Variants in GAB1 observed in about 807,000 individuals in gnomAD.
GAB1 encodes GRB2-associated-binding protein 1.
A neutral mutation model predicts 66.5 loss-of-function variants in GAB1; 19 were observed. The ratio of observed to expected loss-of-function variants is 0.29; its 90% CI spans 0.20 to 0.42. The LOEUF is 0.42. GAB1 is among the 10% of genes least tolerant of loss of function. The pLI is 1.00. For synonymous variants in GAB1, 294 were observed against 301.4 expected (o/e 0.98, Z 0.25); for missense variants, 732 against 858.5 (o/e 0.85, Z 1.84).
intron 9 of GAB1, among the ~76,000 whole-genome samples, chr4:143,468,103 C>T (rs565583398): frequency 6.6e-6 from 1 of 151,758 alleles, no homozygotes; most frequent in East Asian, 1.9e-4. Context: ...GACAGTCAAG[C>T]TTAAGTTGAC....
At chr4:143,352,977 A>G (rs370654539) in intron 1 of GAB1, among the ~76,000 whole-genome samples, 5 of 152,230 alleles carry the variant, frequency 3.3e-5, no homozygotes, top group Admixed American at 3.3e-4. Flanking sequence ...AAAGGTTAGA[A>G]TATGAGAAAG....
Position 143,448,526 on chromosome 4 carries a change from G to A in GAB1, c.1585+8144G>A, listed in dbSNP as rs1466946117. Among the ~76,000 whole-genome samples the A allele has an allele frequency of 1.0e-3, 158 of 151,114 alleles. 4 individuals are homozygous for A. The highest frequency in any genetic ancestry group is 3.7e-3 in the African/African-American group (150 of 40,824). ...CTTCCTGGTTTAGTCTTGGGAGAGT[G>A]TATGTGTCGAGGAATTTATCCATTT... On this transcript the variant is annotated intron_variant, in intron 6 of 9. Transcript: ENST00000262994.
chr4:143,413,854 G>T, intron 1 of GAB1, among the ~76,000 whole-genome samples: 1 of 94,666 alleles, frequency 1.1e-5, no homozygotes, highest in African/African-American at 9.0e-5. Flanking sequence ...TTTTTGAGGA[G>T]GAGTCTTCTT....
chr4:143,384,232 A>G (rs1042329093), intron 1 of GAB1, among the ~76,000 whole-genome samples: 1 of 152,366 alleles, frequency 6.6e-6, no homozygotes, highest in East Asian at 1.9e-4. Flanking sequence ...CTGCATTTCT[A>G]TAACAAAACA....
chr4:143,435,641 A>C (rs575623753), intron 3 of GAB1, among the ~76,000 whole-genome samples: 2 of 152,212 alleles, frequency 1.3e-5, no homozygotes, highest in African/African-American at 4.8e-5. Context: ...GGTAACCACT[A>C]TGTGCCCAAT....
At chr4:143,402,407 G>T (rs1731824675) in intron 1 of GAB1, among the ~76,000 whole-genome samples, 1 of 152,130 alleles carries the variant, frequency 6.6e-6, no homozygotes, top group Non-Finnish European at 1.5e-5. Flanking sequence ...GGGATATGAG[G>T]ACTTTTATCT....
chr4:143,353,792 T>C (rs1207896564), intron 1 of GAB1, among the ~76,000 whole-genome samples: 2 of 152,182 alleles, frequency 1.3e-5, no homozygotes, highest in African/African-American at 2.4e-5. Context: ...TATTGACTTT[T>C]CCACATACAT....
intron 6 of GAB1, among the ~76,000 whole-genome samples, chr4:143,444,639 G>A (rs1438535212): frequency 1.3e-5 from 2 of 151,830 alleles, no homozygotes; most frequent in Admixed American, 6.6e-5. Flanking sequence ...TAGTTTTAGG[G>A]GGGTGCATGT....
chr4:143,465,158 T>C (rs1417381697), intron 8 of GAB1, among the ~76,000 whole-genome samples: 1 of 152,198 alleles, frequency 6.6e-6, no homozygotes, highest in Non-Finnish European at 1.5e-5. Flanking sequence ...TTTGAGCACA[T>C]GTATAATAGA....
chr4:143,439,293 C>T (rs1307839328), intron 4 of GAB1, among the ~76,000 whole-genome samples: 2 of 152,190 alleles, frequency 1.3e-5, no homozygotes, highest in South Asian at 2.1e-4. Context: ...TTTTAATGCA[C>T]ATATCCTAAA....
intron 1 of GAB1, among the ~76,000 whole-genome samples, chr4:143,400,218 C>T (rs1731697097): frequency 6.6e-6 from 1 of 152,206 alleles, no homozygotes; most frequent in Admixed American, 6.5e-5. Context: ...GCTGGGACTA[C>T]AGGCGTGAGC....
At chr4:143,467,686 A>G (rs553907047) in intron 9 of GAB1, among the ~76,000 whole-genome samples, 3 of 152,208 alleles carry the variant, frequency 2.0e-5, no homozygotes, top group East Asian at 3.9e-4. Context: ...TCTATAAACT[A>G]TTTGTATTTG....
At chr4:143,449,865 G>T (rs960406099) in intron 6 of GAB1, among the ~76,000 whole-genome samples, 10 of 151,832 alleles carry the variant, frequency 6.6e-5, no homozygotes, top group African/African-American at 2.4e-4. Flanking sequence ...CTCATTAGTT[G>T]ATGCAGTTTC....
intron 1 of GAB1, among the ~76,000 whole-genome samples, chr4:143,397,249 G>T (rs1731496676): frequency 6.6e-6 from 1 of 152,114 alleles, no homozygotes; most frequent in African/African-American, 2.4e-5. Context: ...ACAAAAAAAT[G>T]ATTACACATT....
chr4:143,465,600 C>T (rs893566364), intron 8 of GAB1, among the ~76,000 whole-genome samples: 1 of 152,068 alleles, frequency 6.6e-6, no homozygotes, highest in Admixed American at 6.6e-5. Context: ...CTCTTAAATA[C>T]GTTCTTTAGA....
chr4:143,377,343 G>T (rs1020592291), intron 1 of GAB1, among the ~76,000 whole-genome samples: 1 of 152,142 alleles, frequency 6.6e-6, no homozygotes, highest in African/African-American at 2.4e-5. Flanking sequence ...GCTGGCTTTT[G>T]TTGGGGGGAG....
chr4:143,342,154 G>T (rs1245638975), intron 1 of GAB1, among the ~76,000 whole-genome samples: 1 of 152,154 alleles, frequency 6.6e-6, no homozygotes, highest in Admixed American at 6.5e-5. Context: ...CATTTGTTGT[G>T]CCTGGGCTGA....
chr4:143,366,844 A>T (rs149070047), intron 1 of GAB1, among the ~76,000 whole-genome samples: 3 of 152,006 alleles, frequency 2.0e-5, no homozygotes, highest in Non-Finnish European at 2.9e-5. Flanking sequence ...TGAAAATCAC[A>T]TGGTCCTCAA....
At chr4:143,453,363 A>G (rs1224850884) in intron 6 of GAB1, among the ~76,000 whole-genome samples, 3 of 152,160 alleles carry the variant, frequency 2.0e-5, no homozygotes, top group Non-Finnish European at 4.4e-5. Context: ...GTACCCTTTT[A>G]GTACCCACCC....
Sources: gnomAD v4.1 joint callset for allele counts (sites outside exome capture counted in the v4.1 genomes callset) on GRCh38, gnomAD v4.1.1 for gene constraint, MANE v1.5 for transcripts, NCBI Gene and HGNC (gene_info 2026-07-23, HGNC 2026-07-21) for gene names.